Variants in AKT3 observed in about 807,000 individuals in gnomAD.
AKT3 encodes the protein RAC-gamma serine/threonine-protein kinase.
In AKT3, 15 loss-of-function variants were observed where a neutral mutation model predicts 65.3. The observed-to-expected ratio is 0.23, with a 90% CI of 0.15 to 0.35. AKT3 has a LOEUF of 0.35. Among genes scored for constraint, AKT3 ranks in the 10% least tolerant of loss-of-function variants. The pLI, the probability that AKT3 is intolerant of heterozygous loss-of-function variation, is 1.00. For missense variants in AKT3, 243 were observed against 576.5 expected (o/e 0.42, Z 5.92); for synonymous variants, 206 against 183.8 (o/e 1.12, Z -0.98).
At chr1:243,652,732 A>G (rs1681454935) in intron 4 of AKT3, among the ~76,000 whole-genome samples, 1 of 150,628 alleles carries the variant, frequency 6.6e-6, no homozygotes, top group African/African-American at 2.4e-5. Context: ...CAGGCTCAAA[A>G]TAAAGGGAAG....
chr1:243,645,709 G>T (rs1162625648), intron 5 of AKT3, among the ~76,000 whole-genome samples, 184 bp downstream of exon 5: 1 of 152,190 alleles, frequency 6.6e-6, no homozygotes, highest in East Asian at 1.9e-4. Context: ...CTGGATCACT[G>T]AAACAATGTT....
chr1:243,609,334 CTGTGTGTGTG>C (rs72249798), intron 8 of AKT3, among the ~76,000 whole-genome samples: 19 of 148,168 alleles, frequency 1.3e-4, no homozygotes, highest in South Asian at 4.3e-4. Flanking sequence ...TTTTCATTTT[CTGTGTGTGTG>C]TGTGTGTGTG....
At chr1:243,827,326 A>G (rs997241996) in intron 2 of AKT3, among the ~76,000 whole-genome samples, 23 of 152,204 alleles carry the variant, frequency 1.5e-4, no homozygotes, top group African/African-American at 5.5e-4. Context: ...ATAAACAGCC[A>G]CTTTTAATAT....
chr1:243,618,394 T>C (rs1678487571), intron 6 of AKT3, among the ~76,000 whole-genome samples: 1 of 152,070 alleles, frequency 6.6e-6, no homozygotes, highest in Non-Finnish European at 1.5e-5. Flanking sequence ...GTTTCTGCTA[T>C]GAAGATAAGG....
At chr1:243,621,405 T>C (rs1182344966) in intron 6 of AKT3, among the ~76,000 whole-genome samples, 1 of 152,148 alleles carries the variant, frequency 6.6e-6, no homozygotes, top group African/African-American at 2.4e-5. Context: ...TCTTCAGTGG[T>C]TGTCTTTCCG....
intron 6 of AKT3, among the ~76,000 whole-genome samples, chr1:243,627,402 G>GA (rs1402288276): frequency 2.0e-5 from 3 of 151,812 alleles, no homozygotes; most frequent in Non-Finnish European, 2.9e-5. Context: ...CCAATCTCAG[G>GA]AAAAAAACAA....
chr1:243,715,040 C>T (rs1052926030), intron 2 of AKT3, among the ~76,000 whole-genome samples: 1 of 152,020 alleles, frequency 6.6e-6, no homozygotes, highest in African/African-American at 2.4e-5. Flanking sequence ...ATCCATTTGA[C>T]CACAAGTATC....
intron 3 of AKT3, among the ~76,000 whole-genome samples, chr1:243,682,021 AT>A (rs1039478835): frequency 2.6e-5 from 4 of 152,066 alleles, no homozygotes; most frequent in Non-Finnish European, 4.4e-5. Flanking sequence ...GCAAACAATC[AT>A]CTTTCTAATT....
At chr1:243,849,780 CA>C (rs1174545202) in intron 1 of AKT3, among the ~76,000 whole-genome samples, 8 of 151,876 alleles carry the variant, frequency 5.3e-5, no homozygotes, top group African/African-American at 1.7e-4. Flanking sequence ...CGCCGCCCCC[CA>C]GCTTTCCCCG....
chr1:243,837,212 T>C (rs779472593), intron 2 of AKT3, among the ~76,000 whole-genome samples: 17 of 152,084 alleles, frequency 1.1e-4, no homozygotes, highest in South Asian at 2.1e-4. Context: ...CCCAGTAACT[T>C]AGACGAACAT....
intron 2 of AKT3, among the ~76,000 whole-genome samples, chr1:243,833,611 T>G (rs916522670): frequency 1.3e-5 from 2 of 152,024 alleles, no homozygotes; most frequent in African/African-American, 4.8e-5. Flanking sequence ...CAATGGCACA[T>G]GACTATATAA....
At chr1:243,710,084 C>T (rs1441814111) in intron 2 of AKT3, among the ~76,000 whole-genome samples, 2 of 152,104 alleles carry the variant, frequency 1.3e-5, no homozygotes, top group Non-Finnish European at 2.9e-5. Context: ...TTTCAACATA[C>T]TGGCCAATAT....
At chr1:243,692,756 T>G (rs985393035) in intron 3 of AKT3, among the ~76,000 whole-genome samples, 2 of 151,966 alleles carry the variant, frequency 1.3e-5, no homozygotes, top group African/African-American at 4.8e-5. Context: ...AATTTATGTG[T>G]TTTTTTGGGT....
chr1:243,640,734 G>A (rs1399055263), intron 5 of AKT3, among the ~76,000 whole-genome samples: 1 of 152,194 alleles, frequency 6.6e-6, no homozygotes, highest in Non-Finnish European at 1.5e-5. Context: ...TGTATAAGCT[G>A]TAGGCAGCTG....
At chr1:243,780,343 GA>G (rs1475442148) in intron 2 of AKT3, among the ~76,000 whole-genome samples, 1 of 151,922 alleles carries the variant, frequency 6.6e-6, no homozygotes. Flanking sequence ...ATTTTTTGTA[GA>G]ATGAGAGCTA....
intron 3 of AKT3, among the ~76,000 whole-genome samples, chr1:243,671,971 T>C (rs557974528): frequency 4.6e-5 from 7 of 152,302 alleles, no homozygotes; most frequent in South Asian, 2.1e-4. Flanking sequence ...GAATGTCTGT[T>C]CCCTCTTCTA....
At chr1:243,819,660 AGCAG>A (rs566850995) in intron 2 of AKT3, among the ~76,000 whole-genome samples, 1 of 152,346 alleles carries the variant, frequency 6.6e-6, no homozygotes, top group East Asian at 1.9e-4. Context: ...GATTTCATTA[AGCAG>A]GTCCTGGATC....
At chr1:243,613,162 CAT>C (rs1317021284) in intron 8 of AKT3, 2 of 125,630 alleles carry the variant, frequency 1.6e-5, no homozygotes, top group East Asian at 2.2e-4. Context: ...CACATATACA[CAT>C]ATATATACAC....
rs565133923 is a variant in AKT3 at position 243,660,122 on chromosome 1, C to G, written c.284+4650G>C. ...ATCCATCTGGTCCTGGACTCTTTTT[C>G]GTTGGTAAGCTATTGATTATTGCCA... On this transcript the variant is annotated intron_variant, in intron 4 of 13. Coordinates refer to ENST00000673466, the MANE Select transcript of AKT3 (RefSeq NM_005465.7). Among the ~76,000 whole-genome samples the G allele has an allele frequency of 3.9e-5, 6 of 151,942 alleles. No homozygotes were observed. The South Asian group carries it at 8.3e-4, about 21-fold the overall frequency.
Sources: allele counts gnomAD v4.1 joint callset (sites outside exome capture counted in the v4.1 genomes callset), GRCh38; gene constraint gnomAD v4.1.1; transcripts MANE v1.5; gene names NCBI Gene and HGNC (gene_info 2026-07-23, HGNC 2026-07-21).